Variants in VPS52 observed in about 807,000 individuals in gnomAD.
The protein encoded by VPS52 is vacuolar protein sorting-associated protein 52 homolog.
A neutral mutation model predicts 98.7 loss-of-function variants in VPS52; 56 were observed. The observed-to-expected ratio is 0.57, with a 90% CI of 0.46 to 0.71. The LOEUF (loss-of-function observed/expected upper bound fraction) is 0.71. Among genes scored for constraint, VPS52 ranks in the 30% least tolerant of loss-of-function variants. The probability of loss-of-function intolerance (pLI) is 0.00; values close to 1 mark genes in which losing one functional copy is unlikely to be tolerated. For synonymous variants in VPS52, 348 were observed against 346.4 expected, an observed-to-expected ratio of 1.00 and a Z score of -0.05; for missense variants, 742 against 925.9, an observed-to-expected ratio of 0.80 and a Z score of 2.58.
In VPS52 at chr6:33,263,465, C is replaced by A. The variant is rs1476210190; in HGVS notation, c.1794+19G>T. 1 of 1,611,822 alleles carries A rather than the reference C, an allele frequency of 6.2e-7. No homozygotes were observed. The highest frequency in any genetic ancestry group is 8.5e-7 in the Non-Finnish European group (1 of 1,179,290). The stretch of plus-strand genomic sequence containing the variant: ...AACAGCACAGAAGGCTGTCTCTTCC[C>A]TTTTCCCCACACCCCTACCTGTGTC... On this transcript the variant is annotated intron_variant, in intron 17 of 19. Coordinates refer to ENST00000445902, the MANE Select transcript of VPS52 (RefSeq NM_022553.6).
chr6:33,251,597 C>T lies in VPS52; in HGVS notation c.1946G>A (p.Trp649Ter). ...ACTCAGAGATTCCACTGATGATTTC[C>T]AGGAACTACCAAAGCCACGGATCAG... Reference protein sequence around the residue: ...TQLIRGFGSSWKSSVESLSQD... With the variant: ...TQLIRGFGSS The change falls in exon 19 of 20, where the codon TGG (tryptophan) becomes TAG (stop). Residue 649 changes from tryptophan (W) to a stop codon, truncating the protein, a stop_gained. Transcript: ENST00000445902. LOFTEE classifies it high-confidence loss of function. 6.2e-7 allele frequency: 1 copy of T among 1,613,988 alleles called. No homozygotes were observed. The highest frequency in any genetic ancestry group is 1.7e-5 in the Admixed American group (1 of 59,976).
chr6:33,261,535 A>C (rs1305324922), intron 17 of VPS52, among the ~76,000 whole-genome samples: 1 of 152,190 alleles, frequency 6.6e-6, no homozygotes, highest in East Asian at 1.9e-4. Flanking sequence ...ATTACACAGA[A>C]GAATGAAACT....
chr6:33,259,577 T>A (rs564615851), intron 17 of VPS52, among the ~76,000 whole-genome samples: 1 of 152,094 alleles, frequency 6.6e-6, no homozygotes, highest in Non-Finnish European at 1.5e-5. Context: ...AAATCCAAAA[T>A]GCTCCAAAAT....
chr6:33,267,333 C>A lies in VPS52; in HGVS notation c.992-12G>T. On this transcript the variant is annotated splice_polypyrimidine_tract_variant and intron_variant, in intron 10 of 19. Transcript: ENST00000445902. The surrounding 1 kb of genome is among the most constrained non-coding windows in gnomAD (Gnocchi z 4.2). ...CTTTGAGAAGAATCGTAAGATGGGTCAGAGTCAGGGAAAACAATGAGACCA... is the reference window on the plus strand; with the variant it reads ...CTTTGAGAAGAATCGTAAGATGGGTAAGAGTCAGGGAAAACAATGAGACCA... 3 of 1,564,660 alleles carry A rather than the reference C, an allele frequency of 1.9e-6. No individual in the cohort carries two copies. Among genetic ancestry groups the A allele is most frequent in the South Asian group, 2.4e-5 (2 of 82,774 alleles).
At chr6:33,251,744 A>G in intron 18 of VPS52, 108 bp from the exon 19 acceptor site, 1 of 1,405,616 alleles carries the variant, frequency 7.1e-7, no homozygotes, top group Non-Finnish European at 1.0e-6. Flanking sequence ...CTTTTCTGGT[A>G]TTCTCTCAAT....
chr6:33,250,931 C>T lies in VPS52; in HGVS notation c.2082G>A (p.Gln694=). 6.2e-7 allele frequency: 1 copy of T among 1,613,080 alleles called. No individual in the cohort carries two copies. The highest frequency in any genetic ancestry group is 8.5e-7 in the Non-Finnish European group (1 of 1,180,022). The change falls in exon 20 of 20, where the codon CAG becomes CAA. Residue 694 remains glutamine, a synonymous_variant. Coordinates refer to ENST00000445902, the MANE Select transcript of VPS52 (RefSeq NM_022553.6). Reference sequence around the variant, plus strand: ...GGGCAGGGAGGGCTCGGAGCTGCGGCTGGGACAGCACCCGGTGGAAGCGAT... The same window carrying T: ...GGGCAGGGAGGGCTCGGAGCTGCGGTTGGGACAGCACCCGGTGGAAGCGAT... ...LYHRFHRVLS[Q]PQLRALPARA...
At chr6:33,264,300 C>T (rs549125615) in intron 14 of VPS52, 74 bp downstream of exon 14, 729 of 1,589,994 alleles carry the variant, frequency 4.6e-4, no homozygotes, top group Non-Finnish European at 5.6e-4. Context: ...ACAACTGTGA[C>T]CTTGGCCAAC....
At position 33,256,095 on chromosome 6, in the gene VPS52, T is replaced by C. The variant is rs538115785; in HGVS notation, c.1795-4124A>G. ...AAACTAGAAAAGATTTATTTATTCC[T>C]AGTAGAACTAAACATACGTATTATA... On this transcript the variant is annotated intron_variant, in intron 17 of 19. Coordinates refer to ENST00000445902, the MANE Select transcript of VPS52 (RefSeq NM_022553.6). 3.3e-4 allele frequency among the ~76,000 whole-genome samples: 51 copies of C among 152,256 alleles called. 1 individual carries two copies. Among genetic ancestry groups the C allele is most frequent in the African/African-American group, 1.2e-3 (49 of 41,550 alleles).
chr6:33,263,700 TCA>T, intron 16 of VPS52, 70 bp downstream of exon 16: 3 of 1,587,876 alleles, frequency 1.9e-6, no homozygotes, highest in Non-Finnish European at 2.6e-6. Context: ...ATCTCTGCCC[TCA>T]CAGAGCTAAC....
chr6:33,258,102 CA>C (rs1763204409), intron 17 of VPS52, among the ~76,000 whole-genome samples: 1 of 151,760 alleles, frequency 6.6e-6, no homozygotes, highest in East Asian at 1.9e-4. Flanking sequence ...ATTAAAAAAA[CA>C]AAGGCTGGAC....
At chr6:33,266,107 G>A (rs1272750952) in intron 12 of VPS52, among the ~76,000 whole-genome samples, 3 of 149,446 alleles carry the variant, frequency 2.0e-5, no homozygotes, top group Middle Eastern at 3.3e-3. Flanking sequence ...TGATCCTCCC[G>A]CCTCAGCCTC....
In VPS52 at chr6:33,268,252, T is replaced by C. The variant is rs778919777; in HGVS notation, c.700-44A>G. The C allele has an allele frequency of 6.3e-7, 1 of 1,597,164 alleles. No homozygotes were observed. The highest frequency in any genetic ancestry group is 2.2e-5 in the East Asian group (1 of 44,790). On this transcript the variant is annotated intron_variant, in intron 7 of 19. Transcript: ENST00000445902. The surrounding 1 kb of genome is among the most constrained non-coding windows in gnomAD (Gnocchi z 4.0). ...ACACAGGGCATGAAGCTGCAACCCT[T>C]TTGCTGTATGAGAGGAACTGGGGGA...
chr6:33,271,889 T>C, upstream of VPS52: 1 of 1,175,666 alleles, frequency 8.5e-7, no homozygotes, highest in Non-Finnish European at 1.2e-6. Flanking sequence ...CCCCGGAACC[T>C]TCGCTGTTCT....
In VPS52 at chr6:33,264,906, T is replaced by C. The variant is rs1764111855; in HGVS notation, c.1282-6A>G. ...AGATAAGAATCCAGGTGTTTCTGTG[T>C]GATTGGGGAACAAACAGAGGATTAA... is the stretch of plus-strand genomic sequence containing the variant. On this transcript the variant is annotated splice_region_variant and splice_polypyrimidine_tract_variant and intron_variant, in intron 12 of 19. Transcript: ENST00000445902. The C allele has an allele frequency of 6.2e-7, 1 of 1,606,020 alleles. No individual in the cohort carries two copies. The highest frequency in any genetic ancestry group is 1.3e-5 in the African/African-American group (1 of 74,724).
rs566044718 is a variant in VPS52 at position 33,250,628 on chromosome 6, G to C, written c.*213C>G. The C allele has an allele frequency of 5.6e-4, 333 of 595,530 alleles. No individual in the cohort carries two copies. Among genetic ancestry groups the C allele is most frequent in the Admixed American group, 2.2e-3 (66 of 29,618 alleles). 36.9% of individuals were successfully genotyped at this position (595,530 alleles called of 1,614,324 possible). A position where few individuals can be genotyped will look rare whatever the true frequency, so the allele number is the denominator to read the frequency against. On this transcript the variant is annotated 3_prime_UTR_variant, in exon 20 of 20. Coordinates refer to ENST00000445902, the MANE Select transcript of VPS52 (RefSeq NM_022553.6). ...TGGAAGCCCACAGGGAAGTGGTCTT[G>C]GGAAACCTGAAGACACTGGGATATT...
rs890083124 is a variant in VPS52 at position 33,250,780 on chromosome 6, T to A, written c.*61A>T. The A allele has an allele frequency of 3.6e-5, 56 of 1,574,566 alleles. No individual in the cohort carries two copies. The highest frequency in any genetic ancestry group is 4.7e-5 in the Non-Finnish European group (55 of 1,158,080). On this transcript the variant is annotated 3_prime_UTR_variant, in exon 20 of 20. Transcript: ENST00000445902. ...GGGGTACCCCAGGTGAAGAAGGGTATGGAATGGGGTGCAGAAGTCCATGGA... is the reference window on the plus strand; with the variant it reads ...GGGGTACCCCAGGTGAAGAAGGGTAAGGAATGGGGTGCAGAAGTCCATGGA...
chr6:33,264,502 G>A lies in VPS52; in HGVS notation c.1401-5C>T, dbSNP rs368467124. On this transcript the variant is annotated splice_polypyrimidine_tract_variant and splice_region_variant and intron_variant, in intron 13 of 19. Transcript: ENST00000445902. ...GCAAGCACCTGTTCCCAGTACCTGT[G>A]GGCTTAATCAGAATCAGAGGTCAGC... 1.6e-4 allele frequency: 253 copies of A among 1,613,830 alleles called. No individual in the cohort carries two copies. The highest frequency in any genetic ancestry group is 2.0e-4 in the Non-Finnish European group (238 of 1,179,992).
Position 33,268,466 on chromosome 6 carries a change from G to C in VPS52, c.699+33C>G, listed in dbSNP as rs1030352403. 1 of 1,557,088 alleles carries C rather than the reference G, an allele frequency of 6.4e-7. No homozygotes were observed. Among genetic ancestry groups the C allele is most frequent in the Non-Finnish European group, 8.7e-7 (1 of 1,150,366 alleles). ...GAAGATCTTGGGAAGGCTGCTTCCAGTAGCCTCCAGGGTATCCATCCCTAC... is the reference window on the plus strand; with the variant it reads ...GAAGATCTTGGGAAGGCTGCTTCCACTAGCCTCCAGGGTATCCATCCCTAC... On this transcript the variant is annotated intron_variant, in intron 7 of 19. Coordinates refer to ENST00000445902, the MANE Select transcript of VPS52 (RefSeq NM_022553.6). The surrounding 1 kb of genome is among the most constrained non-coding windows in gnomAD (Gnocchi z 4.0).
chr6:33,265,223 C>T (rs1464821813), intron 12 of VPS52, among the ~76,000 whole-genome samples: 1 of 152,042 alleles, frequency 6.6e-6, no homozygotes, highest in South Asian at 2.1e-4. Flanking sequence ...ATTATAGGCG[C>T]CTGCCACCAC....
Sources: gnomAD v4.1 joint callset for allele counts (sites outside exome capture counted in the v4.1 genomes callset) on GRCh38, gnomAD v4.1.1 for gene constraint, Gnocchi (gnomAD v3.1) non-coding constraint, MANE v1.5 for transcripts, NCBI Gene and HGNC (gene_info 2026-07-23, HGNC 2026-07-21) for gene names.